CATSPERQ: variants seen among roughly 807,000 people sequenced by gnomAD.
CATSPERQ encodes cation channel sperm-associated auxiliary subunit theta.
At chr8:144,353,620 C>A in the CATSPERQ span, 1 of 1,456,090 alleles carries the variant, frequency 6.9e-7, no homozygotes, top group Non-Finnish European at 9.2e-7. Context: ...CTGCATCCCC[C>A]GTCCTGCCCG....
At chr8:144,354,093 C>G in the CATSPERQ span, 1 of 1,535,240 alleles carries the variant, frequency 6.5e-7, no homozygotes, top group South Asian at 1.2e-5. The surrounding 1 kb of genome is among the most constrained non-coding windows in gnomAD (Gnocchi z 4.6). Context: ...AGATCACGAG[C>G]CACAGGCCCA....
chr8:144,353,633 G>C, the CATSPERQ span: 1 of 1,451,002 alleles, frequency 6.9e-7, no homozygotes, highest in Non-Finnish European at 9.2e-7. Context: ...CCTGCCCGAA[G>C]CCCCGGCGCC....
chr8:144,353,756 C>A, the CATSPERQ span: 1 of 1,534,996 alleles, frequency 6.5e-7, no homozygotes, highest in Middle Eastern at 1.7e-4. Flanking sequence ...CTGAGGAGGG[C>A]GCGTGTCTGG....
the CATSPERQ span, chr8:144,354,081 C>G: frequency 6.5e-7 from 1 of 1,535,272 alleles, no homozygotes. This position sits in a 1 kb window ranked among gnomAD's most constrained non-coding sequence, Gnocchi z 4.6. Flanking sequence ...GCGGCAGCGA[C>G]GAGATCACGA....
At chr8:144,353,637 C>T in the CATSPERQ span, 12 of 1,454,040 alleles carry the variant, frequency 8.3e-6, no homozygotes, top group African/African-American at 1.4e-5. Context: ...CCCGAAGCCC[C>T]GGCGCCCTCT....
the CATSPERQ span, chr8:144,354,578 A>AAACCACCCCC: frequency 4.5e-6 from 1 of 221,158 alleles, no homozygotes; most frequent in Non-Finnish European, 7.0e-6. This position sits in a 1 kb window ranked among gnomAD's most constrained non-coding sequence, Gnocchi z 4.6. Context: ...CGCCCTTCCC[A>AAACCACCCCC]GCCCCGCCCC....
chr8:144,353,259 C>A, the CATSPERQ span: 1 of 1,399,764 alleles, frequency 7.1e-7, no homozygotes, highest in Non-Finnish European at 9.4e-7. Flanking sequence ...AAAGGAAGGC[C>A]AGTGAGTGGG....
At chr8:144,354,108 C>T in the CATSPERQ span, 1 of 1,535,228 alleles carries the variant, frequency 6.5e-7, no homozygotes, top group Non-Finnish European at 8.7e-7. This position sits in a 1 kb window ranked among gnomAD's most constrained non-coding sequence, Gnocchi z 4.6. Flanking sequence ...GGCCCACGCC[C>T]ACGCCGTACA....
chr8:144,354,290 T>A, the CATSPERQ span: 1 of 1,534,438 alleles, frequency 6.5e-7, no homozygotes, highest in African/African-American at 1.4e-5. This position sits in a 1 kb window ranked among gnomAD's most constrained non-coding sequence, Gnocchi z 4.6. Context: ...AAGAGCAGCA[T>A]CCCCTTCCAC....
At chr8:144,354,575 C>CCA in the CATSPERQ span, 1 of 450,470 alleles carries the variant, frequency 2.2e-6, no homozygotes, top group Non-Finnish European at 3.7e-6. The surrounding 1 kb of genome is among the most constrained non-coding windows in gnomAD (Gnocchi z 4.6). Context: ...CCCCGCCCTT[C>CCA]CCAGCCCCGC....
the CATSPERQ span, chr8:144,354,272 T>G: frequency 6.6e-7 from 1 of 1,521,154 alleles, no homozygotes; most frequent in South Asian, 1.2e-5. The surrounding 1 kb of genome is among the most constrained non-coding windows in gnomAD (Gnocchi z 4.6). Flanking sequence ...AGGACCACGC[T>G]GATGATGAAG....
At chr8:144,353,242 T>A in the CATSPERQ span, 1 of 1,363,580 alleles carries the variant, frequency 7.3e-7, no homozygotes, top group South Asian at 1.5e-5. Context: ...CTGAGGCAGC[T>A]TTATTGAAAG....
the CATSPERQ span, chr8:144,354,799 C>CTTTT: frequency 6.6e-7 from 1 of 1,524,434 alleles, no homozygotes; most frequent in Non-Finnish European, 8.8e-7. This position sits in a 1 kb window ranked among gnomAD's most constrained non-coding sequence, Gnocchi z 4.6. Flanking sequence ...AGCCTGGCCG[C>CTTTT]TCGTCCGCTG....
the CATSPERQ span, chr8:144,353,310 C>A: frequency 6.7e-7 from 1 of 1,495,244 alleles, no homozygotes; most frequent in Non-Finnish European, 8.9e-7. Context: ...TGGGAGGTTA[C>A]CGAGAACACA....
the CATSPERQ span, chr8:144,354,190 G>A: frequency 1.9e-6 from 3 of 1,543,066 alleles, no homozygotes; most frequent in South Asian, 3.5e-5. The surrounding 1 kb of genome is among the most constrained non-coding windows in gnomAD (Gnocchi z 4.6). Context: ...CGCGGGGCCG[G>A]CCCTCAGGGG....
chr8:144,353,512 C>T, the CATSPERQ span: 12 of 1,534,538 alleles, frequency 7.8e-6, no homozygotes, highest in Non-Finnish European at 1.0e-5. Context: ...ATGTAACGGC[C>T]CAAGTATTCC....
chr8:144,353,573 C>A, the CATSPERQ span: 3 of 1,496,600 alleles, frequency 2.0e-6, no homozygotes, highest in Non-Finnish European at 2.7e-6. Flanking sequence ...CAGGACAGAC[C>A]CGAGTCGCCG....
the CATSPERQ span, chr8:144,353,608 G>A: frequency 1.4e-6 from 2 of 1,466,404 alleles, no homozygotes; most frequent in Non-Finnish European, 9.1e-7. Flanking sequence ...TCCCCTACCA[G>A]GCTGCATCCC....
chr8:144,354,698 C>T, the CATSPERQ span: 35 of 1,535,470 alleles, frequency 2.3e-5, no homozygotes, highest in Admixed American at 2.2e-4. The surrounding 1 kb of genome is among the most constrained non-coding windows in gnomAD (Gnocchi z 4.6). Context: ...CAGGTGAGTC[C>T]TAGGAACCAG....
Sources: allele counts gnomAD v4.1 joint callset, GRCh38; gene constraint gnomAD v4.1.1; non-coding constraint Gnocchi (gnomAD v3.1); transcripts MANE v1.5; gene names NCBI Gene and HGNC (gene_info 2026-07-23, HGNC 2026-07-21).